The following RERE variants were observed in gnomAD, a reference collection of about 807,000 sequenced individuals.
The protein encoded by RERE is arginine-glutamic acid dipeptide repeats protein.
Under a neutral mutation model 146.1 loss-of-function variants are expected in RERE, and 40 were observed. The ratio of observed to expected loss-of-function variants is 0.27; its 90% CI spans 0.21 to 0.36. The LOEUF is 0.36. RERE is among the 10% of genes least tolerant of loss of function. RERE has a pLI of 1.00. For synonymous variants in RERE, 1,003 were observed against 866.0 expected, an observed-to-expected ratio of 1.16 and a Z score of -2.78; for missense variants, 1,933 against 2,138.7, an observed-to-expected ratio of 0.90 and a Z score of 1.90.
At chr1:8,702,731 T>C (rs1199885164) in intron 1 of RERE, among the ~76,000 whole-genome samples, 2 of 152,158 alleles carry the variant, frequency 1.3e-5, no homozygotes, top group African/African-American at 4.8e-5. Flanking sequence ...AAAATAAAAA[T>C]ATATACATAT....
chr1:8,386,023 T>TATATATATATATA (rs1491131483), intron 12 of RERE, among the ~76,000 whole-genome samples: 3 of 21,730 alleles, frequency 1.4e-4, no homozygotes, highest in African/African-American at 2.0e-4. Flanking sequence ...TATATATATA[T>TATATATATATATA]TTTTTTTTTT....
chr1:8,569,481 G>A (rs1226824533), intron 4 of RERE, among the ~76,000 whole-genome samples: 3 of 151,978 alleles, frequency 2.0e-5, no homozygotes, highest in Admixed American at 2.0e-4. Context: ...GAAAGGGTGG[G>A]GAATTTCTCA....
intron 1 of RERE, among the ~76,000 whole-genome samples, chr1:8,731,934 C>G (rs375291192): frequency 3.3e-5 from 5 of 152,188 alleles, no homozygotes; most frequent in Admixed American, 6.5e-5. Context: ...TCCCCAGCAG[C>G]TGGGACTACA....
chr1:8,365,681 C>T, intron 13 of RERE, 131 bp downstream of exon 13: 1 of 978,274 alleles, frequency 1.0e-6, no homozygotes, highest in Non-Finnish European at 1.5e-6. Context: ...AGGCTTCACA[C>T]ATGCACTGGA....
At chr1:8,389,850 G>A (rs1033595994) in intron 12 of RERE, among the ~76,000 whole-genome samples, 4 of 152,134 alleles carry the variant, frequency 2.6e-5, no homozygotes, top group Non-Finnish European at 4.4e-5. Context: ...CAGCAATGAC[G>A]ACCCTGTCTC....
intron 4 of RERE, among the ~76,000 whole-genome samples, chr1:8,585,510 C>T (rs546544665): frequency 1.3e-5 from 2 of 152,246 alleles, no homozygotes; most frequent in South Asian, 4.1e-4. Context: ...AGAAGAGATG[C>T]TAATTATGTG....
At chr1:8,539,404 T>A (rs796602157) in intron 7 of RERE, among the ~76,000 whole-genome samples, 8 of 21,084 alleles carry the variant, frequency 3.8e-4, no homozygotes, top group African/African-American at 2.0e-3. Context: ...TTCTTTTCCT[T>A]TTTTTTTTCT....
intron 4 of RERE, among the ~76,000 whole-genome samples, chr1:8,578,941 G>C (rs543051008): frequency 6.6e-6 from 1 of 152,202 alleles, no homozygotes; most frequent in Non-Finnish European, 1.5e-5. Context: ...TATCTAAGGA[G>C]CCCTTGTTTA....
intron 7 of RERE, among the ~76,000 whole-genome samples, chr1:8,537,736 TA>T (rs760470723): frequency 7.9e-5 from 12 of 152,124 alleles, no homozygotes; most frequent in Admixed American, 4.6e-4. Context: ...AATTCTAGAG[TA>T]CAGAACAGTC....
At chr1:8,544,924 A>G (rs1467435694) in intron 6 of RERE, among the ~76,000 whole-genome samples, 1 of 152,154 alleles carries the variant, frequency 6.6e-6, no homozygotes, top group Non-Finnish European at 1.5e-5. Flanking sequence ...ACTGGGTGGC[A>G]CCCATTTGAA....
At chr1:8,402,539 TAG>T (rs1643298022) in intron 12 of RERE, among the ~76,000 whole-genome samples, 1 of 152,200 alleles carries the variant, frequency 6.6e-6, no homozygotes. Flanking sequence ...AACACAAGAC[TAG>T]AGTCTCTCAT....
chr1:8,548,702 A>G (rs546157885), intron 6 of RERE, among the ~76,000 whole-genome samples: 1 of 152,286 alleles, frequency 6.6e-6, no homozygotes, highest in Admixed American at 6.5e-5. Flanking sequence ...TAAAATCTTC[A>G]GGCCAGGCCC....
chr1:8,371,876 CA>C (rs1642050397), intron 12 of RERE, among the ~76,000 whole-genome samples: 2 of 152,210 alleles, frequency 1.3e-5, no homozygotes, highest in African/African-American at 4.8e-5. Flanking sequence ...CAACCCGACC[CA>C]GGGGCCAAGT....
chr1:8,648,597 C>T (rs1647439095), intron 2 of RERE, among the ~76,000 whole-genome samples: 1 of 152,088 alleles, frequency 6.6e-6, no homozygotes, highest in Non-Finnish European at 1.5e-5. Flanking sequence ...AAACTAGATC[C>T]TCAGGTTTCA....
intron 12 of RERE, among the ~76,000 whole-genome samples, chr1:8,373,008 C>T (rs543563968): frequency 2.0e-5 from 3 of 152,264 alleles, no homozygotes; most frequent in East Asian, 1.9e-4. Flanking sequence ...AATTTCTTTC[C>T]GAAGCTATTT....
chr1:8,371,046 G>T (rs958433458), intron 12 of RERE, among the ~76,000 whole-genome samples: 1 of 152,086 alleles, frequency 6.6e-6, no homozygotes, highest in African/African-American at 2.4e-5. Context: ...CTTATGTCTC[G>T]GTGCTATAAT....
intron 8 of RERE, among the ~76,000 whole-genome samples, chr1:8,500,930 C>G (rs1645129838): frequency 6.6e-6 from 1 of 151,080 alleles, no homozygotes; most frequent in South Asian, 2.1e-4. Flanking sequence ...AACCCTCTGC[C>G]TGGCAACCGC....
intron 16 of RERE, among the ~76,000 whole-genome samples, 194 bp downstream of exon 16, chr1:8,362,489 G>T (rs1384049228): frequency 6.6e-6 from 1 of 152,162 alleles, no homozygotes; most frequent in Non-Finnish European, 1.5e-5. Context: ...CCCAAGAGTT[G>T]GTGCTCGAGC....
chr1:8,420,776 G>A (rs2124469700), intron 12 of RERE, among the ~76,000 whole-genome samples: 1 of 152,338 alleles, frequency 6.6e-6, no homozygotes, highest in East Asian at 1.9e-4. Flanking sequence ...GTGGGAAACT[G>A]TGAAGGCGGA....
Sources: gnomAD v4.1 joint callset for allele counts (sites outside exome capture counted in the v4.1 genomes callset) on GRCh38, gnomAD v4.1.1 for gene constraint, MANE v1.5 for transcripts, NCBI Gene and HGNC (gene_info 2026-07-23, HGNC 2026-07-21) for gene names.